Variants in KHDRBS2 observed in about 807,000 individuals in gnomAD.
KHDRBS2 encodes KH RNA binding domain containing, signal transduction associated 2.
KHDRBS2 carries 26 observed loss-of-function variants against 44.3 expected under a neutral mutation model. The ratio of observed to expected loss-of-function variants is 0.59; its 90% CI spans 0.43 to 0.81. The LOEUF is 0.81. Ranked by LOEUF, KHDRBS2 falls within the 40% of genes least tolerant of loss-of-function variation. The probability of loss-of-function intolerance (pLI) is 0.00; values close to 1 mark genes in which losing one functional copy is unlikely to be tolerated. For missense variants in KHDRBS2, 476 were observed against 433.1 expected (o/e 1.10, Z -0.88); for synonymous variants, 194 against 151.1 (o/e 1.28, Z -2.08).
chr6:61,643,123 C>A, the KHDRBS2 span, among the ~76,000 whole-genome samples: 1 of 145,568 alleles, frequency 6.9e-6, no homozygotes, highest in Non-Finnish European at 1.5e-5. Context: ...TATACACACA[C>A]TGTATATTTT....
At chr6:61,925,166 T>C (rs368232946) in intron 4 of KHDRBS2, among the ~76,000 whole-genome samples, 29 of 152,048 alleles carry the variant, frequency 1.9e-4, no homozygotes, top group East Asian at 9.7e-4. Flanking sequence ...CAACAAAAGG[T>C]AGAAGAGTTA....
intron 6 of KHDRBS2, among the ~76,000 whole-genome samples, chr6:61,796,834 G>A (rs1015716466): frequency 3.9e-5 from 6 of 152,086 alleles, no homozygotes; most frequent in South Asian, 2.1e-4. Flanking sequence ...CATAGGAAAA[G>A]ATGGTTGCAT....
intron 2 of KHDRBS2, among the ~76,000 whole-genome samples, chr6:62,104,745 AG>A (rs1802746654): frequency 6.6e-6 from 1 of 152,158 alleles, no homozygotes; most frequent in South Asian, 2.1e-4. Flanking sequence ...TTGAAAAAAA[AG>A]AACAAATTAA....
chr6:61,799,880 G>A (rs1420265181), intron 6 of KHDRBS2, among the ~76,000 whole-genome samples: 3 of 151,968 alleles, frequency 2.0e-5, no homozygotes, highest in Non-Finnish European at 4.4e-5. Context: ...TAAGTATTAT[G>A]TATAAAAGTG....
At chr6:61,943,161 A>T (rs1480981763) in intron 4 of KHDRBS2, among the ~76,000 whole-genome samples, 2 of 152,082 alleles carry the variant, frequency 1.3e-5, no homozygotes, top group Non-Finnish European at 2.9e-5. Context: ...GCCAAGGATA[A>T]TATATCCAGC....
At chr6:62,109,528 C>T (rs1320730145) in intron 2 of KHDRBS2, among the ~76,000 whole-genome samples, 1 of 151,802 alleles carries the variant, frequency 6.6e-6, no homozygotes, top group Non-Finnish European at 1.5e-5. Flanking sequence ...TGACTCTCAA[C>T]TGTGTAGAAA....
downstream of KHDRBS2, among the ~76,000 whole-genome samples, chr6:61,678,007 A>G (rs776844096): frequency 6.6e-6 from 1 of 151,942 alleles, no homozygotes; most frequent in African/African-American, 2.4e-5. Context: ...GTTAACATAT[A>G]TTATGGATAT....
At chr6:61,941,489 C>T (rs960935892) in intron 4 of KHDRBS2, among the ~76,000 whole-genome samples, 1 of 152,132 alleles carries the variant, frequency 6.6e-6, no homozygotes, top group Admixed American at 6.5e-5. Flanking sequence ...CCAGTGCCAG[C>T]ATATACTACC....
intron 6 of KHDRBS2, among the ~76,000 whole-genome samples, chr6:61,780,103 A>G (rs1460599298): frequency 6.6e-6 from 1 of 152,220 alleles, no homozygotes; most frequent in Non-Finnish European, 1.5e-5. Flanking sequence ...TCTTTTAACC[A>G]ATAACTTAAG....
intron 2 of KHDRBS2, among the ~76,000 whole-genome samples, chr6:62,073,745 TTC>T (rs1795769800): frequency 6.6e-6 from 1 of 151,678 alleles, no homozygotes; most frequent in African/African-American, 2.4e-5. Flanking sequence ...TTCATGAAAT[TTC>T]TGATTGCTAT....
At chr6:61,764,361 T>C (rs1779696035) in intron 6 of KHDRBS2, among the ~76,000 whole-genome samples, 1 of 152,202 alleles carries the variant, frequency 6.6e-6, no homozygotes, top group Non-Finnish European at 1.5e-5. Context: ...ATGGGATTGC[T>C]GGGTAAAATG....
chr6:62,154,975 ATAT>A (rs1816039424), intron 2 of KHDRBS2, among the ~76,000 whole-genome samples: 1 of 152,254 alleles, frequency 6.6e-6, no homozygotes, highest in African/African-American at 2.4e-5. Context: ...CCAGAAAATG[ATAT>A]TATTTTAAAA....
chr6:61,722,726 T>A (rs1339676032), intron 7 of KHDRBS2, among the ~76,000 whole-genome samples: 1 of 151,966 alleles, frequency 6.6e-6, no homozygotes, highest in Non-Finnish European at 1.5e-5. Flanking sequence ...TTTTTTTTTT[T>A]TTAGATGGAG....
intron 1 of KHDRBS2, among the ~76,000 whole-genome samples, chr6:62,251,813 C>T (rs116735573): frequency 1.5e-4 from 23 of 151,414 alleles, no homozygotes; most frequent in African/African-American, 5.3e-4. Flanking sequence ...TGCAGATATG[C>T]AAAGCCTCAC....
intron 2 of KHDRBS2, among the ~76,000 whole-genome samples, chr6:62,052,053 T>A (rs1350711053): frequency 6.6e-6 from 1 of 151,890 alleles, no homozygotes; most frequent in Admixed American, 6.6e-5. Context: ...TAGATTGGTA[T>A]ACCCAGTACA....
intron 3 of KHDRBS2, among the ~76,000 whole-genome samples, chr6:62,042,827 GA>G (rs1227101432): frequency 1.3e-5 from 2 of 152,098 alleles, no homozygotes; most frequent in African/African-American, 4.8e-5. Flanking sequence ...ATCAAAGACA[GA>G]AAAGCTTGCC....
intron 4 of KHDRBS2, among the ~76,000 whole-genome samples, chr6:61,951,982 G>C (rs1764849137): frequency 6.6e-6 from 1 of 152,058 alleles, no homozygotes; most frequent in South Asian, 2.1e-4. Context: ...CTAAACTGTT[G>C]ATCAGAATTC....
downstream of KHDRBS2, among the ~76,000 whole-genome samples, chr6:61,679,716 T>C (rs1392734685): frequency 6.6e-6 from 1 of 151,972 alleles, no homozygotes; most frequent in African/African-American, 2.4e-5. Context: ...CAAATTGTTA[T>C]AAACTACGCG....
chr6:61,941,776 A>G (rs951572911), intron 4 of KHDRBS2, among the ~76,000 whole-genome samples: 1 of 152,192 alleles, frequency 6.6e-6, no homozygotes, highest in African/African-American at 2.4e-5. Context: ...TTCTGCTATT[A>G]AAGCAAATTT....
Sources: allele counts gnomAD v4.1 joint callset (sites outside exome capture counted in the v4.1 genomes callset), GRCh38; gene constraint gnomAD v4.1.1; transcripts MANE v1.5; gene names NCBI Gene and HGNC (gene_info 2026-07-23, HGNC 2026-07-21).